PCDHGA6: variants seen among roughly 807,000 people sequenced by gnomAD.
The protein encoded by PCDHGA6 is protocadherin gamma subfamily A, 6, also known as protocadherin gamma-A6.
In PCDHGA6, 41 loss-of-function variants were observed where a neutral mutation model predicts 60.6. The ratio of observed to expected loss-of-function variants is 0.68; its 90% CI spans 0.53 to 0.88. The LOEUF is 0.88. Among genes scored for constraint, PCDHGA6 ranks in the 40% least tolerant of loss-of-function variants. The pLI, the probability that PCDHGA6 is intolerant of heterozygous loss-of-function variation, is 0.00. For missense variants in PCDHGA6, 1,312 were observed against 1,203.0 expected (o/e 1.09, Z -1.34); for synonymous variants, 594 against 524.4 (o/e 1.13, Z -1.81).
intron 1 of PCDHGA6, among the ~76,000 whole-genome samples, chr5:141,483,302 C>G (rs1262756268): frequency 2.0e-5 from 3 of 152,012 alleles, no homozygotes; most frequent in Admixed American, 6.5e-5. Context: ...AGTGAAGGGA[C>G]TGGGGACATT....
At chr5:141,377,587 C>A (rs1272601199) in intron 1 of PCDHGA6, 2 of 147,530 alleles carry the variant, frequency 1.4e-5, no homozygotes, top group African/African-American at 5.1e-5. Flanking sequence ...CAGAATGAGA[C>A]TTTTTCTCTC....
intron 1 of PCDHGA6, chr5:141,384,518 C>A: frequency 1.2e-6 from 2 of 1,614,192 alleles, no homozygotes; most frequent in South Asian, 2.2e-5. Context: ...AGCGGGGACC[C>A]GCCTCTCAGC....
In PCDHGA6 at chr5:141,477,017, A is replaced by G; in HGVS notation, c.2425-17790A>G. 2 of 1,614,220 alleles carry G rather than the reference A, an allele frequency of 1.2e-6. No homozygotes were observed. The highest frequency in any genetic ancestry group is 2.2e-5 in the East Asian group (1 of 44,868). ...GCAACTATTCGCCTTAGACCTTGTA[A>G]CCGGGATGCTGACAATCAAGGGTCG... On this transcript the variant is annotated intron_variant, in intron 1 of 3. Coordinates refer to ENST00000517434, the MANE Select transcript of PCDHGA6 (RefSeq NM_018919.3). This position sits in a 1 kb window ranked among gnomAD's most constrained non-coding sequence, Gnocchi z 4.9.
chr5:141,419,705 C>A, intron 1 of PCDHGA6: 1 of 1,613,038 alleles, frequency 6.2e-7, no homozygotes, highest in South Asian at 1.1e-5. Flanking sequence ...TGAGCCCGGG[C>A]TCTTCAGCCT....
At position 141,477,130 on chromosome 5, in the gene PCDHGA6, G is replaced by C; in HGVS notation, c.2425-17677G>C. On this transcript the variant is annotated intron_variant, in intron 1 of 3. Coordinates refer to ENST00000517434, the MANE Select transcript of PCDHGA6 (RefSeq NM_018919.3). The surrounding 1 kb of genome is among the most constrained non-coding windows in gnomAD (Gnocchi z 4.9). ...ATCCCGAAGGAGCACATTGCAAAGT[G>C]TTGGTGGAGGTTGTGGATGTGAATG... 6.2e-7 allele frequency: 1 copy of C among 1,614,252 alleles called. No individual in the cohort carries two copies. The highest frequency in any genetic ancestry group is 2.2e-5 in the East Asian group (1 of 44,888).
chr5:141,465,440 A>T (rs1478987071), intron 1 of PCDHGA6, among the ~76,000 whole-genome samples: 1 of 152,194 alleles, frequency 6.6e-6, no homozygotes, highest in Non-Finnish European at 1.5e-5. Flanking sequence ...CTTAATGATT[A>T]CCCAAGAAAA....
intron 1 of PCDHGA6, chr5:141,433,267 C>T (rs1462399366): frequency 7.7e-7 from 1 of 1,305,096 alleles, no homozygotes; most frequent in Non-Finnish European, 1.1e-6. Context: ...GATCATAGCT[C>T]ACTGCAGCCT....
rs776079289 is a variant in PCDHGA6 at position 141,423,264 on chromosome 5, CGAGTCTCT to C, written c.2424+46759_2424+46766del. The C allele has an allele frequency of 9.8e-5, 158 of 1,613,986 alleles. 1 individual carries two copies. The African/African-American group carries it at 1.9e-3, about 20-fold the overall frequency. ...AAGTCCTGGCGGACCTCGGCAGCCT[CGAGTCTCT>C]GGCTAACTCTGAAACCTCAGACCTC... On this transcript the variant is annotated intron_variant, in intron 1 of 3. Transcript: ENST00000517434.
In PCDHGA6 at chr5:141,493,482, G is replaced by T. The variant is rs184736387; in HGVS notation, c.2425-1325G>T. The stretch of plus-strand genomic sequence containing the variant: ...TTTTAGGACCTTACATGTGGGGAAA[G>T]TCTTCTGTGGCTCCTCATTTCTGAG... On this transcript the variant is annotated intron_variant, in intron 1 of 3. Coordinates refer to ENST00000517434, the MANE Select transcript of PCDHGA6 (RefSeq NM_018919.3). The surrounding 1 kb of genome is among the most constrained non-coding windows in gnomAD (Gnocchi z 4.3). 6.6e-6 allele frequency among the ~76,000 whole-genome samples: 1 copy of T among 152,206 alleles called. No individual in the cohort carries two copies. Among genetic ancestry groups the T allele is most frequent in the Admixed American group, 6.5e-5 (1 of 15,282 alleles).
At chr5:141,495,010 G>T (rs1327870362) in intron 2 of PCDHGA6, 145 bp downstream of exon 2, 1 of 1,516,970 alleles carries the variant, frequency 6.6e-7, no homozygotes, top group Non-Finnish European at 8.9e-7. Flanking sequence ...GTGTGCGGGG[G>T]GCTGGCACAC....
At chr5:141,378,822 T>C (rs181427236) in intron 1 of PCDHGA6, 13 of 152,360 alleles carry the variant, frequency 8.5e-5, no homozygotes, top group Non-Finnish European at 1.6e-4. Flanking sequence ...CATTGTTTCA[T>C]GAACAGAAAA....
intron 1 of PCDHGA6, among the ~76,000 whole-genome samples, chr5:141,450,899 A>G (rs1045595271): frequency 1.0e-4 from 15 of 149,514 alleles, no homozygotes; most frequent in African/African-American, 3.7e-4. Context: ...ATATCGGCTC[A>G]CTGCAACCGC....
At chr5:141,509,454 G>T (rs1164813611) in intron 3 of PCDHGA6, among the ~76,000 whole-genome samples, 2 of 151,976 alleles carry the variant, frequency 1.3e-5, no homozygotes, top group African/African-American at 2.4e-5. Flanking sequence ...TCCCACCCCC[G>T]ACCCAGTCAG....
chr5:141,476,979 G>C lies in PCDHGA6; in HGVS notation c.2425-17828G>C. On this transcript the variant is annotated intron_variant, in intron 1 of 3. Coordinates refer to ENST00000517434, the MANE Select transcript of PCDHGA6 (RefSeq NM_018919.3). The surrounding 1 kb of genome is among the most constrained non-coding windows in gnomAD (Gnocchi z 7.6). Reference sequence around the variant, plus strand: ...ATTTACTCCTTCGGCAGCCACAACCGCGCCGGCGTGCGGCAACTATTCGCC... The same window carrying C: ...ATTTACTCCTTCGGCAGCCACAACCCCGCCGGCGTGCGGCAACTATTCGCC... 1 of 1,614,238 alleles carries C rather than the reference G, an allele frequency of 6.2e-7. No homozygotes were observed. The highest frequency in any genetic ancestry group is 1.3e-5 in the African/African-American group (1 of 75,074).
At position 141,491,489 on chromosome 5, in the gene PCDHGA6, A is replaced by T; in HGVS notation, c.2425-3318A>T. 1.2e-6 allele frequency: 2 copies of T among 1,614,130 alleles called. No individual in the cohort carries two copies. Among genetic ancestry groups the T allele is most frequent in the Non-Finnish European group, 1.7e-6 (2 of 1,180,018 alleles). On this transcript the variant is annotated intron_variant, in intron 1 of 3. Coordinates refer to ENST00000517434, the MANE Select transcript of PCDHGA6 (RefSeq NM_018919.3). This position sits in a 1 kb window ranked among gnomAD's most constrained non-coding sequence, Gnocchi z 6.9. ...TATAAGCAGTCCAGCCCCAACCTGC[A>T]GGTGAGCTCGGACGGCACGCTCAAG... is the stretch of plus-strand genomic sequence containing the variant.
chr5:141,509,550 T>C (rs1562240751), intron 3 of PCDHGA6, among the ~76,000 whole-genome samples: 1 of 152,142 alleles, frequency 6.6e-6, no homozygotes, highest in Non-Finnish European at 1.5e-5. Flanking sequence ...TCTCATTTAG[T>C]CCTCACAGCA....
intron 1 of PCDHGA6, among the ~76,000 whole-genome samples, chr5:141,436,594 G>T (rs79477223): frequency 0.052 from 7,980 of 152,210 alleles, 223 homozygotes; most frequent in South Asian, 0.079. Flanking sequence ...AAAGGTCGTG[G>T]TGATGGCTAG....
chr5:141,404,185 C>T, intron 1 of PCDHGA6: 1 of 1,613,214 alleles, frequency 6.2e-7, no homozygotes, highest in Non-Finnish European at 8.5e-7. Context: ...AAATTCTTGA[C>T]CGAGAAAAAG....
intron 1 of PCDHGA6, chr5:141,478,282 G>A: frequency 6.2e-7 from 1 of 1,614,184 alleles, no homozygotes; most frequent in Non-Finnish European, 8.5e-7. Flanking sequence ...AGTGGAAGCA[G>A]TCTAGAGACC....
Sources: gnomAD v4.1 joint callset for allele counts (sites outside exome capture counted in the v4.1 genomes callset) on GRCh38, gnomAD v4.1.1 for gene constraint, Gnocchi (gnomAD v3.1) non-coding constraint, MANE v1.5 for transcripts, NCBI Gene and HGNC (gene_info 2026-07-23, HGNC 2026-07-21) for gene names.